The following UVSSA variants were observed in gnomAD, a reference collection of about 807,000 sequenced individuals.
The protein encoded by UVSSA is UV stimulated scaffold protein A.
Under a neutral mutation model 73.9 loss-of-function variants are expected in UVSSA, and 72 were observed. The observed-to-expected ratio is 0.97, with a 90% confidence interval of 0.81 to 1.19. UVSSA has a LOEUF of 1.19. Among genes scored for constraint, UVSSA ranks in the 50% most tolerant of loss-of-function variants. The probability of loss-of-function intolerance (pLI) is 0.00; values close to 1 mark genes in which losing one functional copy is unlikely to be tolerated. For synonymous variants in UVSSA, 454 were observed against 391.3 expected, an observed-to-expected ratio of 1.16 and a Z score of -1.89; for missense variants, 1,150 against 965.0, an observed-to-expected ratio of 1.19 and a Z score of -2.54.
At position 1,348,178 on chromosome 4, in the gene UVSSA, G is replaced by A. The variant is rs1363427862; in HGVS notation, c.87G>A (p.Lys29=). The A allele has an allele frequency of 5.0e-6, 8 of 1,613,584 alleles. No homozygotes were observed. The highest frequency in any genetic ancestry group is 3.3e-5 in the Admixed American group (2 of 60,018). ...ATCCTGAGAAAATGAAGGAACTGAA[G>A]AAAATTTGCAAGTATGTCTTAGGGT... ...RLNPEKMKEL[K]KICKSSEEQL... Residue 29 remains lysine (K), a synonymous_variant, in exon 2 of 14, where the codon AAG becomes AAA. Transcript: ENST00000389851.
chr4:1,393,064 A>C (rs923576261), exon 14 of UVSSA: 4 of 152,098 alleles, frequency 2.6e-5, no homozygotes, highest in African/African-American at 9.7e-5. Context: ...GACTCCAGCT[A>C]CGTGTGTTGA....
At chr4:1,383,642 G>T in intron 12 of UVSSA, 124 bp from the exon 13 acceptor site, 1 of 1,137,340 alleles carries the variant, frequency 8.8e-7, no homozygotes, top group Non-Finnish European at 1.3e-6. Flanking sequence ...GCCAGGGTAC[G>T]GCCGTGGGCA....
At chr4:1,372,370 C>T (rs1055283358) in intron 8 of UVSSA, among the ~76,000 whole-genome samples, 3 of 152,190 alleles carry the variant, frequency 2.0e-5, no homozygotes, top group Non-Finnish European at 2.9e-5. Context: ...CTTCTGCTGC[C>T]GTCCTTGTCT....
rs1421440009 is a variant in UVSSA at position 1,353,090 on chromosome 4, T to C, written c.611T>C (p.Val204Ala). ...GTAGAGAGCTGCTTTAGGCTGCTGG[T>C]GCCTTTTGACTTTGACCCGAACCCG... ...TEVESCFRLL[V>A]PFDFDPNPET... Residue 204 changes from valine (V) to alanine (A), a missense_variant, in exon 5 of 14, where the codon GTG becomes GCG. Coordinates refer to ENST00000389851, the MANE Select transcript of UVSSA (RefSeq NM_020894.4). 7 of 1,612,928 alleles carry C rather than the reference T, an allele frequency of 4.3e-6. No individual in the cohort carries two copies. The African/African-American group carries it at 6.7e-5, about 15-fold the overall frequency.
exon 14 of UVSSA, chr4:1,395,658 C>T (rs745640575): frequency 1.3e-6 from 2 of 1,596,536 alleles, no homozygotes; most frequent in South Asian, 2.2e-5. Flanking sequence ...ATGTGGAGTG[C>T]CTGCCTGCTC....
At chr4:1,345,043 G>C (rs575990984), upstream of UVSSA, among the ~76,000 whole-genome samples, 20 of 152,294 alleles carry the variant, frequency 1.3e-4, no homozygotes, top group African/African-American at 4.8e-4. Flanking sequence ...GATGGGAGCC[G>C]TCGGAGGATT....
intron 10 of UVSSA, among the ~76,000 whole-genome samples, chr4:1,378,430 G>A (rs1375149806): frequency 1.3e-5 from 2 of 152,248 alleles, no homozygotes; most frequent in East Asian, 1.9e-4. Flanking sequence ...GCGTGCGCCT[G>A]TAATCCCAGC....
chr4:1,393,688 T>C (rs1008938865), exon 14 of UVSSA: 8 of 152,718 alleles, frequency 5.2e-5, no homozygotes, highest in African/African-American at 1.9e-4. Flanking sequence ...GAAGTTCCTA[T>C]TGATGACCTT....
downstream of UVSSA, chr4:1,388,200 A>G (rs757157352): frequency 2.0e-5 from 3 of 152,236 alleles, no homozygotes; most frequent in African/African-American, 4.8e-5. Flanking sequence ...TATAAATGCA[A>G]TTATAAATTA....
intron 5 of UVSSA, 35 bp downstream of exon 5, chr4:1,353,448 C>A: frequency 2.1e-6 from 3 of 1,444,942 alleles, no homozygotes; most frequent in Non-Finnish European, 1.8e-6. Flanking sequence ...TGGCGCCACC[C>A]TGCCCCGGCT....
chr4:1,374,972 C>G (rs1718572945), intron 8 of UVSSA: 1 of 222,484 alleles, frequency 4.5e-6, no homozygotes, highest in South Asian at 7.0e-5. Flanking sequence ...CTGCCTACAT[C>G]TCACCACCGG....
downstream of UVSSA, chr4:1,389,589 G>A (rs1720355274): frequency 6.6e-6 from 1 of 152,198 alleles, no homozygotes; most frequent in African/African-American, 2.4e-5. Flanking sequence ...ATGTTGGCTA[G>A]GCTGGTCTCA....
Position 1,349,590 on chromosome 4 carries a change from C to T in UVSSA, c.165C>T (p.Ala55=), listed in dbSNP as rs373466926. 4.3e-6 allele frequency: 7 copies of T among 1,614,078 alleles called. No homozygotes were observed. The highest frequency in any genetic ancestry group is 1.3e-5 in the African/African-American group (1 of 75,062). The change falls in exon 3 of 14, where the codon GCC becomes GCT. Residue 55 remains alanine (A), a synonymous_variant. Transcript: ENST00000389851. The stretch of plus-strand genomic sequence containing the variant: ...TAGCACAGCTGACCCAGGAGCACGC[C>T]GAGATCCGTCTCTCAGCCTTCCAGA... The part of the protein sequence containing the change: ...LLIAQLTQEH[A]EIRLSAFQIV...
chr4:1,365,603 G>C (rs1717202975), intron 7 of UVSSA, among the ~76,000 whole-genome samples: 1 of 152,250 alleles, frequency 6.6e-6, no homozygotes, highest in Non-Finnish European at 1.5e-5. Context: ...TGGCAGAGAA[G>C]TGGCCTTGTC....
At chr4:1,348,068 T>A in intron 1 of UVSSA, 22 bp from the exon 2 acceptor site, 1 of 1,574,654 alleles carries the variant, frequency 6.4e-7, no homozygotes, top group South Asian at 1.1e-5. Context: ...TGATATAGCA[T>A]CTCTGCCTTA....
At chr4:1,368,305 G>C (rs1186461262) in intron 8 of UVSSA, among the ~76,000 whole-genome samples, 5 of 152,238 alleles carry the variant, frequency 3.3e-5, no homozygotes, top group African/African-American at 1.2e-4. Flanking sequence ...TCTTAGACGG[G>C]GTGACGTGTG....
At chr4:1,361,321 T>C (rs1024551780) in intron 7 of UVSSA, among the ~76,000 whole-genome samples, 1 of 152,250 alleles carries the variant, frequency 6.6e-6, no homozygotes, top group African/African-American at 2.4e-5. Context: ...GCCTCATTAC[T>C]GGGAGTGACC....
chr4:1,366,628 C>T (rs1022200629), intron 8 of UVSSA, among the ~76,000 whole-genome samples, 197 bp downstream of exon 8: 6 of 152,334 alleles, frequency 3.9e-5, no homozygotes, highest in South Asian at 4.1e-4. Flanking sequence ...TTTTCCTCTA[C>T]GTTCTGGCTC....
chr4:1,368,137 C>G (rs1717579066), intron 8 of UVSSA, among the ~76,000 whole-genome samples: 1 of 152,252 alleles, frequency 6.6e-6, no homozygotes, highest in Non-Finnish European at 1.5e-5. Context: ...CTGACCTGGC[C>G]TGCTGGGCTG....
Sources: gnomAD v4.1 joint callset for allele counts (sites outside exome capture counted in the v4.1 genomes callset) on GRCh38, gnomAD v4.1.1 for gene constraint, MANE v1.5 for transcripts, NCBI Gene and HGNC (gene_info 2026-07-23, HGNC 2026-07-21) for gene names.